Variants in CLEC16A observed in about 807,000 individuals in gnomAD.
CLEC16A encodes protein CLEC16A.
In CLEC16A, 51 loss-of-function variants were observed where a neutral mutation model predicts 109.5. That is an observed-to-expected ratio of 0.47 (90% CI 0.37 to 0.59). The LOEUF (loss-of-function observed/expected upper bound fraction) is 0.59, where lower values mean the gene tolerates loss of function less well. Ranked by LOEUF, CLEC16A falls within the 20% of genes least tolerant of loss-of-function variation. The pLI, the probability that CLEC16A is intolerant of heterozygous loss-of-function variation, is 0.00. For synonymous variants in CLEC16A, 673 were observed against 564.2 expected (o/e 1.19, Z -2.73); for missense variants, 1,339 against 1,394.0 (o/e 0.96, Z 0.63).
At chr16:10,971,394 C>T (rs1018214855) in intron 5 of CLEC16A, 164 bp downstream of exon 5, 37 of 386,610 alleles carry the variant, frequency 9.6e-5, no homozygotes, top group East Asian at 1.6e-4. Flanking sequence ...TAGCATTTAG[C>T]TGGCCGCTCA....
intron 19 of CLEC16A, among the ~76,000 whole-genome samples, chr16:11,115,051 T>G (rs923342007): frequency 1.3e-5 from 2 of 152,170 alleles, no homozygotes; most frequent in Non-Finnish European, 2.9e-5. Flanking sequence ...TTCTTTGTGG[T>G]GGAGGTGGCA....
chr16:11,069,284 C>T lies in CLEC16A; in HGVS notation c.2116+8262C>T, dbSNP rs554059084. Among the ~76,000 whole-genome samples, 33 of 152,200 alleles carry T rather than the reference C, an allele frequency of 2.2e-4. No homozygotes were observed. In the South Asian group the frequency reaches 3.9e-3, roughly 18 times the overall value. On this transcript the variant is annotated intron_variant, in intron 19 of 23. Coordinates refer to ENST00000409790, the MANE Select transcript of CLEC16A (RefSeq NM_015226.3). ...CTGGGACTACAGGCATGCACCACCA[C>T]ACCCGGCTGAGATTTTGTATATTTT...
chr16:11,137,632 A>AATCC (rs2053632171), intron 22 of CLEC16A, among the ~76,000 whole-genome samples: 1 of 150,310 alleles, frequency 6.7e-6, no homozygotes, highest in South Asian at 2.1e-4. Context: ...AACATGGTGA[A>AATCC]ATCCCATCTC....
intron 18 of CLEC16A, among the ~76,000 whole-genome samples, chr16:11,057,938 C>T (rs999795642): frequency 2.6e-5 from 4 of 152,216 alleles, no homozygotes; most frequent in Admixed American, 6.5e-5. Context: ...GAGACAACCC[C>T]GTACAGCTGG....
At chr16:11,027,200 C>G in intron 13 of CLEC16A, 1 of 1,396,644 alleles carries the variant, frequency 7.2e-7, no homozygotes, top group Non-Finnish European at 1.0e-6. Flanking sequence ...TACATGATTA[C>G]TGGCAGCAGA....
intron 22 of CLEC16A, among the ~76,000 whole-genome samples, chr16:11,134,617 G>A (rs186800183): frequency 1.3e-5 from 2 of 152,300 alleles, no homozygotes; most frequent in African/African-American, 4.8e-5. Context: ...TGGAATATTT[G>A]CATTATACTT....
chr16:10,972,837 A>G, intron 6 of CLEC16A, 101 bp from the exon 7 acceptor site: 1 of 1,274,500 alleles, frequency 7.8e-7, no homozygotes, highest in Non-Finnish European at 1.1e-6. Flanking sequence ...GGGCTTTTTC[A>G]TTGTGGTTTT....
At chr16:11,133,353 A>T (rs28447641) in intron 22 of CLEC16A, among the ~76,000 whole-genome samples, 8,596 of 149,142 alleles carry the variant, frequency 0.058, 792 homozygotes, top group African/African-American at 0.2. Flanking sequence ...AAAAAAAAAA[A>T]TTTTTTTTTT....
chr16:10,979,253 T>G (rs2043186517), intron 8 of CLEC16A, 76 bp from the exon 9 acceptor site: 1 of 1,384,698 alleles, frequency 7.2e-7, no homozygotes. Context: ...CACAGAAGGC[T>G]TTTGGCTTTG....
chr16:11,001,273 A>G (rs930460926), intron 10 of CLEC16A, among the ~76,000 whole-genome samples: 1 of 152,098 alleles, frequency 6.6e-6, no homozygotes, highest in African/African-American at 2.4e-5. Context: ...TTTTGTAGAG[A>G]TGGGGTTTTG....
chr16:11,005,370 T>G (rs1055665476), intron 11 of CLEC16A, among the ~76,000 whole-genome samples: 1 of 152,162 alleles, frequency 6.6e-6, no homozygotes, highest in Non-Finnish European at 1.5e-5. Context: ...AAAAGCCTGT[T>G]TTCCAGGTGG....
chr16:11,171,834 A>T (rs913508173), intron 23 of CLEC16A, among the ~76,000 whole-genome samples: 1 of 152,198 alleles, frequency 6.6e-6, no homozygotes, highest in Non-Finnish European at 1.5e-5. Flanking sequence ...ATGTGCATGC[A>T]TAGTCACACT....
chr16:11,055,559 G>A (rs1446228303), intron 18 of CLEC16A, among the ~76,000 whole-genome samples: 3 of 130,842 alleles, frequency 2.3e-5, no homozygotes, highest in African/African-American at 6.1e-5. Context: ...TCACGATAAC[G>A]CCGTTTTCCC....
Position 10,957,806 on chromosome 16 carries a change from A to G in CLEC16A, c.105A>G (p.Lys35=). 2 of 1,613,906 alleles carry G rather than the reference A, an allele frequency of 1.2e-6. No individual in the cohort carries two copies. Among genetic ancestry groups the G allele is most frequent in the Non-Finnish European group, 1.7e-6 (2 of 1,179,802 alleles). Residue 35 remains lysine (K), a synonymous_variant, in exon 2 of 24, where the codon AAA becomes AAG. Transcript: ENST00000409790. ...HLKYLYHVLT[K]NTTVTEQNRN... ...GGTATCTGTACCACGTTTTGACCAA[A>G]AACACCACAGTCACAGAACAGAACC...
intron 22 of CLEC16A, among the ~76,000 whole-genome samples, chr16:11,152,190 G>A (rs943739462): frequency 1.3e-5 from 2 of 152,228 alleles, no homozygotes; most frequent in African/African-American, 4.8e-5. Flanking sequence ...CAAATGTAGT[G>A]CTGTCTTTTA....
chr16:11,108,848 T>C (rs7193670), intron 19 of CLEC16A, among the ~76,000 whole-genome samples: 74,461 of 151,856 alleles, frequency 0.49, 19,172 homozygotes, highest in African/African-American at 0.66. Flanking sequence ...CGGTGGCTCA[T>C]GCCTGTAATC....
At chr16:10,945,419 A>G (rs781409149) in intron 1 of CLEC16A, among the ~76,000 whole-genome samples, 4 of 152,192 alleles carry the variant, frequency 2.6e-5, no homozygotes, top group South Asian at 4.2e-4. Flanking sequence ...TTTTGGGGCG[A>G]TTGGGGAGGA....
chr16:11,173,697 C>T (rs1182365911), intron 23 of CLEC16A, among the ~76,000 whole-genome samples: 2 of 152,132 alleles, frequency 1.3e-5, no homozygotes, highest in Non-Finnish European at 2.9e-5. Context: ...GATGCCAGTC[C>T]TCCAGCCACA....
rs2041911725 is a variant in CLEC16A, at chr16:10,954,822, C to G, written c.81-2960C>G. Among the ~76,000 whole-genome samples, 1 of 152,218 alleles carries G rather than the reference C, an allele frequency of 6.6e-6. No homozygotes were observed. The highest frequency in any genetic ancestry group is 2.1e-4 in the South Asian group (1 of 4,834). On this transcript the variant is annotated intron_variant, in intron 1 of 23. Transcript: ENST00000409790. The surrounding 1 kb of genome is among the most constrained non-coding windows in gnomAD (Gnocchi z 4.2). The stretch of plus-strand genomic sequence containing the variant: ...GACTCCTGCCCTGAAGCCCTCTTTC[C>G]CTGTTTGAATCTAGCCTGATCTCTT...
Sources: gnomAD v4.1 joint callset for allele counts (sites outside exome capture counted in the v4.1 genomes callset) on GRCh38, gnomAD v4.1.1 for gene constraint, Gnocchi (gnomAD v3.1) non-coding constraint, MANE v1.5 for transcripts, NCBI Gene and HGNC (gene_info 2026-07-23, HGNC 2026-07-21) for gene names.